Variants in MGST1 observed in about 807,000 individuals in gnomAD.
The protein encoded by MGST1 is glutathione S-transferase 12.
In MGST1, 5 loss-of-function variants were observed where a neutral mutation model predicts 8.9. The ratio of observed to expected loss-of-function variants is 0.56; its 90% CI spans 0.29 to 1.19. The LOEUF (loss-of-function observed/expected upper bound fraction) is 1.19, where lower values mean the gene tolerates loss of function less well. Among genes scored for constraint, MGST1 ranks in the 50% most tolerant of loss-of-function variants. The pLI, the probability that MGST1 is intolerant of heterozygous loss-of-function variation, is 0.08. For missense variants in MGST1, 182 were observed against 187.4 expected (o/e 0.97, Z 0.17); for synonymous variants, 54 against 67.8 (o/e 0.80, Z 1.00).
intron 1 of MGST1, among the ~76,000 whole-genome samples, chr12:16,385,000 A>G (rs1940492373): frequency 1.3e-5 from 2 of 152,214 alleles, no homozygotes; most frequent in Non-Finnish European, 2.9e-5. Flanking sequence ...AAGAAGGAAC[A>G]GGAGTTAGGT....
intron 4 of MGST1, among the ~76,000 whole-genome samples, chr12:16,575,901 C>A (rs2137489510): frequency 6.6e-6 from 1 of 152,218 alleles, no homozygotes; most frequent in East Asian, 1.9e-4. Context: ...CATTACCCTC[C>A]CTCTCCCCAT....
At chr12:16,534,137 G>C (rs191555504) in intron 4 of MGST1, among the ~76,000 whole-genome samples, 2 of 152,166 alleles carry the variant, frequency 1.3e-5, no homozygotes, top group Non-Finnish European at 2.9e-5. Context: ...ACACTATTTA[G>C]CTTACTTTTC....
intron 1 of MGST1, among the ~76,000 whole-genome samples, chr12:16,425,315 C>T (rs1473254686): frequency 6.6e-6 from 1 of 152,110 alleles, no homozygotes; most frequent in Non-Finnish European, 1.5e-5. Flanking sequence ...GACAGAATCT[C>T]TGTGTTGCCC....
At chr12:16,419,335 C>G (rs1940813721) in intron 1 of MGST1, among the ~76,000 whole-genome samples, 1 of 152,154 alleles carries the variant, frequency 6.6e-6, no homozygotes, top group Admixed American at 6.6e-5. Flanking sequence ...ATTCTCTTGT[C>G]TGGCTCTAAG....
At chr12:16,527,463 A>G (rs888426775) in intron 4 of MGST1, among the ~76,000 whole-genome samples, 13 of 152,086 alleles carry the variant, frequency 8.5e-5, no homozygotes, top group African/African-American at 3.1e-4. Flanking sequence ...AATAAGGCTA[A>G]TAAATCACAC....
At chr12:16,397,715 G>A (rs1940617356) in intron 1 of MGST1, among the ~76,000 whole-genome samples, 1 of 150,000 alleles carries the variant, frequency 6.7e-6, no homozygotes, top group African/African-American at 2.4e-5. Flanking sequence ...GTAATGATCA[G>A]GGAAATGTCT....
rs1940760227 is a variant in MGST1, at chr12:16,413,537, G to T, written n.779-23851G>T. ...CCCAGCATCCGTATCTGGATTGAAA[G>T]GGTAGATGGTGAAATACCCATCACA... On this transcript the variant is annotated intron_variant and non_coding_transcript_variant, in intron 1 of 1. Transcript: ENST00000359720. The surrounding 1 kb of genome is among the most constrained non-coding windows in gnomAD (Gnocchi z 4.0). Among the ~76,000 whole-genome samples, 1 of 152,046 alleles carries T rather than the reference G, an allele frequency of 6.6e-6. No individual in the cohort carries two copies. The highest frequency in any genetic ancestry group is 1.5e-5 in the Non-Finnish European group (1 of 68,008).
chr12:16,402,256 G>T, intron 1 of MGST1: 17 of 1,588,456 alleles, frequency 1.1e-5, no homozygotes, highest in Non-Finnish European at 1.3e-5. Context: ...TAACCAAAGA[G>T]CCATGTCTGT....
At chr12:16,470,810 T>C (rs1190781421) in intron 4 of MGST1, among the ~76,000 whole-genome samples, 4 of 152,210 alleles carry the variant, frequency 2.6e-5, no homozygotes, top group Admixed American at 2.6e-4. Flanking sequence ...AAAAAATAAG[T>C]TACTTAAGAG....
chr12:16,468,432 A>G (rs979619123), intron 4 of MGST1, among the ~76,000 whole-genome samples: 1 of 152,214 alleles, frequency 6.6e-6, no homozygotes. Flanking sequence ...AAGAATGAGC[A>G]AAAGAACAGC....
intron 2 of MGST1, among the ~76,000 whole-genome samples, chr12:16,356,406 T>G (rs2136948283): frequency 6.6e-6 from 1 of 152,182 alleles, no homozygotes; most frequent in East Asian, 1.9e-4. Context: ...AGGCCTGACC[T>G]TAGGAACTTT....
At chr12:16,359,946 T>G (rs1215821277) in intron 3 of MGST1, among the ~76,000 whole-genome samples, 1 of 152,208 alleles carries the variant, frequency 6.6e-6, no homozygotes, top group Non-Finnish European at 1.5e-5. Flanking sequence ...GGATTGTACT[T>G]TTAGAGGAAA....
chr12:16,534,326 C>T (rs1482218955), intron 4 of MGST1, among the ~76,000 whole-genome samples: 2 of 152,084 alleles, frequency 1.3e-5, no homozygotes, highest in Non-Finnish European at 2.9e-5. Context: ...ATGTTTCCTC[C>T]CCAAATTCTT....
chr12:16,443,698 C>T (rs551317236), downstream of MGST1, among the ~76,000 whole-genome samples: 164 of 151,806 alleles, frequency 1.1e-3, no homozygotes, highest in Non-Finnish European at 9.4e-4. Context: ...AAATAACTCC[C>T]AAAATGTTAC....
downstream of MGST1, among the ~76,000 whole-genome samples, chr12:16,366,800 C>G (rs1940200071): frequency 6.6e-6 from 1 of 152,122 alleles, no homozygotes; most frequent in African/African-American, 2.4e-5. The surrounding 1 kb of genome is among the most constrained non-coding windows in gnomAD (Gnocchi z 4.0). Context: ...CCTAAGGCAA[C>G]TCCATCACAA....
At position 16,410,654 on chromosome 12, in the gene MGST1, A is replaced by G. The variant is rs1462272278; in HGVS notation, n.779-26734A>G. Among the ~76,000 whole-genome samples the G allele has an allele frequency of 6.8e-6, 1 of 148,100 alleles. No homozygotes were observed. Among genetic ancestry groups the G allele is most frequent in the Non-Finnish European group, 1.5e-5 (1 of 67,252 alleles). On this transcript the variant is annotated intron_variant and non_coding_transcript_variant, in intron 1 of 1. Coordinates refer to the MGST1 transcript ENST00000359720. This position sits in a 1 kb window ranked among gnomAD's most constrained non-coding sequence, Gnocchi z 4.4. ...TGTATATGTAATACATATATTATAT[A>G]TAAACATACATAATCAAATATATAA...
chr12:16,419,274 A>T (rs1167771259), intron 1 of MGST1, among the ~76,000 whole-genome samples: 2 of 152,118 alleles, frequency 1.3e-5, no homozygotes, highest in Non-Finnish European at 2.9e-5. Context: ...CTCTTCTTAA[A>T]ATACAAGCTC....
intron 4 of MGST1, among the ~76,000 whole-genome samples, chr12:16,522,242 A>C (rs142825759): frequency 2.0e-5 from 3 of 152,192 alleles, no homozygotes; most frequent in Non-Finnish European, 2.9e-5. Flanking sequence ...TCGATGGAAG[A>C]TGTTTTTTCC....
intron 4 of MGST1, chr12:16,551,088 A>G (rs993402966): frequency 1.7e-6 from 1 of 596,428 alleles, no homozygotes; most frequent in Non-Finnish European, 3.0e-6. Context: ...TCCGCCTTTT[A>G]TTCCATATAA....
Sources: allele counts gnomAD v4.1 joint callset (sites outside exome capture counted in the v4.1 genomes callset), GRCh38; gene constraint gnomAD v4.1.1; non-coding constraint Gnocchi (gnomAD v3.1); transcripts MANE v1.5; gene names NCBI Gene and HGNC (gene_info 2026-07-23, HGNC 2026-07-21).